The following LITAF variants were observed in gnomAD, a reference collection of about 807,000 sequenced individuals.
LITAF encodes the protein lipopolysaccharide induced TNF factor, also known as lipopolysaccharide-induced tumor necrosis factor-alpha factor.
In LITAF, 9 loss-of-function variants were observed where a neutral mutation model predicts 14.5. The ratio of observed to expected loss-of-function variants is 0.62; its 90% CI spans 0.37 to 1.08. LITAF has a LOEUF of 1.08. Ranked by LOEUF, LITAF falls within the 50% of genes least tolerant of loss-of-function variation. The probability of loss-of-function intolerance (pLI) is 0.01; values close to 1 mark genes in which losing one functional copy is unlikely to be tolerated. For synonymous variants in LITAF, 98 were observed against 88.2 expected (o/e 1.11, Z -0.62); for missense variants, 206 against 213.4 (o/e 0.97, Z 0.22).
At chr16:11,599,814 C>T (rs1446543787), upstream of LITAF, among the ~76,000 whole-genome samples, 2 of 152,116 alleles carry the variant, frequency 1.3e-5, no homozygotes, top group Non-Finnish European at 2.9e-5. Context: ...GACCTTTGCA[C>T]GGCTGCTCCT....
chr16:11,565,251 T>G (rs966706938), intron 1 of LITAF, among the ~76,000 whole-genome samples: 8 of 151,612 alleles, frequency 5.3e-5, no homozygotes, highest in Non-Finnish European at 1.2e-4. Context: ...CCCGGCTAAT[T>G]TTTATATTTT....
intron 1 of LITAF, among the ~76,000 whole-genome samples, chr16:11,592,308 G>A (rs11647635): frequency 6.6e-6 from 1 of 152,172 alleles, no homozygotes; most frequent in African/African-American, 2.4e-5. Flanking sequence ...GGGTGCGGTG[G>A]CTCACGCCTA....
chr16:11,602,667 C>T (rs1194674659), upstream of LITAF, among the ~76,000 whole-genome samples: 1 of 150,820 alleles, frequency 6.6e-6, no homozygotes, highest in African/African-American at 2.4e-5. Flanking sequence ...CACTCCATGC[C>T]ACAAGTATGG....
At chr16:11,571,805 T>C (rs145322572) in intron 1 of LITAF, among the ~76,000 whole-genome samples, 68 of 152,250 alleles carry the variant, frequency 4.5e-4, no homozygotes, top group Non-Finnish European at 8.4e-4. Context: ...GTCTCCTAAA[T>C]GGTTTAATCT....
upstream of LITAF, among the ~76,000 whole-genome samples, chr16:11,638,887 AT>A (rs141585454): frequency 2.9e-3 from 428 of 146,584 alleles, 2 homozygotes; most frequent in Middle Eastern, 6.9e-3. Context: ...TAACCTGTGT[AT>A]TTTTTTTTTT....
upstream of LITAF, among the ~76,000 whole-genome samples, chr16:11,600,437 C>G (rs1198725000): frequency 6.6e-6 from 1 of 152,232 alleles, no homozygotes; most frequent in Non-Finnish European, 1.5e-5. The surrounding 1 kb of genome is among the most constrained non-coding windows in gnomAD (Gnocchi z 4.1). Context: ...CAGCCAAATG[C>G]CTAGGCAGAT....
At position 11,558,895 on chromosome 16, in the gene LITAF, C is replaced by A. The variant is rs60168550; in HGVS notation, c.-5-2160G>T. 3.9e-4 allele frequency among the ~76,000 whole-genome samples: 60 copies of A among 152,266 alleles called. No individual in the cohort carries two copies. The highest frequency in any genetic ancestry group is 1.4e-3 in the African/African-American group (59 of 41,554). On this transcript the variant is annotated intron_variant, in intron 1 of 3. Coordinates refer to ENST00000622633, the MANE Select transcript of LITAF (RefSeq NM_001136472.2). This position sits in a 1 kb window ranked among gnomAD's most constrained non-coding sequence, Gnocchi z 4.1. ...AGAATCTTCTGTGAGGATGGAAATG[C>A]TCTGTATCTGCTGCCCAATATAGCA... is the stretch of plus-strand genomic sequence containing the variant.
intron 1 of LITAF, among the ~76,000 whole-genome samples, chr16:11,559,758 G>C (rs557782719): frequency 4.6e-5 from 7 of 150,720 alleles, no homozygotes; most frequent in African/African-American, 1.7e-4. Flanking sequence ...ACTTTGGGAG[G>C]CTGAGGCAGG....
rs992785998 is a variant in LITAF at position 11,549,992 on chromosome 16, G to A, written c.378-247C>T. ...AAATGTGAAGACAGAGGCAGAAGCT[G>A]GAGTGATGAGGCCATAAGCCAAGGA... On this transcript the variant is annotated intron_variant, in intron 3 of 3. Transcript: ENST00000622633. The surrounding 1 kb of genome is among the most constrained non-coding windows in gnomAD (Gnocchi z 4.6). Among the ~76,000 whole-genome samples, 5 of 152,192 alleles carry A rather than the reference G, an allele frequency of 3.3e-5. No homozygotes were observed. The highest frequency in any genetic ancestry group is 1.9e-4 in the East Asian group (1 of 5,200).
At chr16:11,576,851 A>G (rs2064644819) in intron 1 of LITAF, among the ~76,000 whole-genome samples, 1 of 152,124 alleles carries the variant, frequency 6.6e-6, no homozygotes, top group African/African-American at 2.4e-5. Context: ...GGAGTCTTCT[A>G]TTTGCTTACT....
At position 11,634,234 on chromosome 16, in the gene LITAF, T is replaced by TTC. The variant is rs1306184222; in HGVS notation, c.-20-599_-20-598dup. On this transcript the variant is annotated intron_variant, in intron 2 of 3. Transcript: ENST00000574848. The surrounding 1 kb of genome is among the most constrained non-coding windows in gnomAD (Gnocchi z 4.1). ...GATCTAACCAACCCCCATCTTGCCT[T>TTC]TCACCTCCAAACTGCTCTTCATCAT... Among the ~76,000 whole-genome samples the TTC allele has an allele frequency of 6.6e-6, 1 of 152,194 alleles. No individual in the cohort carries two copies. Among genetic ancestry groups the TTC allele is most frequent in the East Asian group, 1.9e-4 (1 of 5,202 alleles).
intron 3 of LITAF, among the ~76,000 whole-genome samples, chr16:11,627,541 T>C (rs2065091355): frequency 1.3e-5 from 2 of 152,168 alleles, no homozygotes; most frequent in African/African-American, 4.8e-5. Context: ...GACTAATGTA[T>C]TAGACTTAAA....
chr16:11,549,828 T>C lies in LITAF; in HGVS notation c.378-83A>G. 1 of 1,092,588 alleles carries C rather than the reference T, an allele frequency of 9.2e-7. No individual in the cohort carries two copies. The highest frequency in any genetic ancestry group is 1.4e-6 in the Non-Finnish European group (1 of 728,334). The allele number at this position is 1,092,588 out of a possible 1,614,324, so 67.7% of individuals were successfully genotyped here. ...GCTGCCAAAACCATGTTCATGTCCT[T>C]CTTTGTAAAAAGGGTCTTTGCCAGT... On this transcript the variant is annotated intron_variant, in intron 3 of 3. Transcript: ENST00000622633. This position sits in a 1 kb window ranked among gnomAD's most constrained non-coding sequence, Gnocchi z 4.6.
At chr16:11,550,257 T>A (rs1260494921) in intron 3 of LITAF, among the ~76,000 whole-genome samples, 3 of 152,176 alleles carry the variant, frequency 2.0e-5, no homozygotes, top group Non-Finnish European at 4.4e-5. Context: ...GCCCAGCTAA[T>A]TTTTTTATTA....
upstream of LITAF, among the ~76,000 whole-genome samples, chr16:11,590,698 G>C (rs760380926): frequency 1.7e-5 from 2 of 118,072 alleles, 1 homozygote; most frequent in Non-Finnish European, 3.4e-5. Context: ...TTCCCAAACT[G>C]ATGTACGGGT....
chr16:11,549,603 G>T lies in LITAF; in HGVS notation c.*34C>A. Reference sequence around the variant, plus strand: ...GGATGAGAGGTGGAAAGGACTTCCTGCGGCACCCGGCTCCCTCCACGTCTG... The same window carrying T: ...GGATGAGAGGTGGAAAGGACTTCCTTCGGCACCCGGCTCCCTCCACGTCTG... On this transcript the variant is annotated 3_prime_UTR_variant, in exon 4 of 4. Transcript: ENST00000622633. The surrounding 1 kb of genome is among the most constrained non-coding windows in gnomAD (Gnocchi z 4.6). 6.5e-7 allele frequency: 1 copy of T among 1,529,584 alleles called. No individual in the cohort carries two copies. The highest frequency in any genetic ancestry group is 9.0e-7 in the Non-Finnish European group (1 of 1,109,898). 94.8% of individuals were successfully genotyped at this position (1,529,584 alleles called of 1,614,324 possible). A position where few individuals can be genotyped will look rare whatever the true frequency, so the allele number is the denominator to read the frequency against.
intron 3 of LITAF, among the ~76,000 whole-genome samples, chr16:11,631,317 G>A (rs2065116812): frequency 1.3e-5 from 2 of 152,214 alleles, no homozygotes; most frequent in African/African-American, 2.4e-5. Context: ...AGGATCTAGG[G>A]AGGGTCCTCT....
intron 3 of LITAF, chr16:11,551,858 C>A: frequency 2.0e-6 from 1 of 497,740 alleles, no homozygotes; most frequent in Non-Finnish European, 3.6e-6. Context: ...GTTTCTATTC[C>A]ATCTTTCCCT....
intron 1 of LITAF, among the ~76,000 whole-genome samples, chr16:11,574,684 T>A (rs2064602167): frequency 6.6e-6 from 1 of 152,182 alleles, no homozygotes. Context: ...CCTTCCCTGT[T>A]TGCAGAGTGA....
Sources: allele counts gnomAD v4.1 joint callset (sites outside exome capture counted in the v4.1 genomes callset), GRCh38; gene constraint gnomAD v4.1.1; non-coding constraint Gnocchi (gnomAD v3.1); transcripts MANE v1.5; gene names NCBI Gene and HGNC (gene_info 2026-07-23, HGNC 2026-07-21).